CAST: variants seen among roughly 807,000 people sequenced by gnomAD.
CAST encodes MIR583 host.
In CAST, 76 loss-of-function variants were observed where a neutral mutation model predicts 119.6. The ratio of observed to expected loss-of-function variants is 0.64; its 90% CI spans 0.53 to 0.77. CAST has a LOEUF of 0.77. Among genes scored for constraint, CAST ranks in the 30% least tolerant of loss-of-function variants. The pLI, the probability that CAST is intolerant of heterozygous loss-of-function variation, is 0.00. For synonymous variants in CAST, 319 were observed against 331.6 expected, an observed-to-expected ratio of 0.96 and a Z score of 0.41; for missense variants, 953 against 946.5, an observed-to-expected ratio of 1.01 and a Z score of -0.09.
chr5:96,123,936 C>T, the CAST span, among the ~76,000 whole-genome samples: 17 of 152,014 alleles, frequency 1.1e-4, no homozygotes, highest in Admixed American at 5.3e-4. Flanking sequence ...CTCTTTTTAG[C>T]GTCACAAGGC....
chr5:96,211,174 G>A, the CAST span, among the ~76,000 whole-genome samples: 1 of 151,764 alleles, frequency 6.6e-6, no homozygotes, highest in African/African-American at 2.4e-5. Context: ...TTGATATATT[G>A]TATTGAATAG....
the CAST span, among the ~76,000 whole-genome samples, chr5:96,090,641 GT>G: frequency 6.8e-6 from 1 of 147,356 alleles, no homozygotes; most frequent in African/African-American, 2.5e-5. Flanking sequence ...TTTATGTTTT[GT>G]TTTTAAAACA....
At chr5:96,297,588 C>T in the CAST span, among the ~76,000 whole-genome samples, 1 of 152,260 alleles carries the variant, frequency 6.6e-6, no homozygotes, top group Admixed American at 6.5e-5. Flanking sequence ...ATGCTCTCCT[C>T]ATGTCTTGCT....
At chr5:96,420,787 AAGAGAG>A in the CAST span, among the ~76,000 whole-genome samples, 9 of 143,450 alleles carry the variant, frequency 6.3e-5, no homozygotes, top group Non-Finnish European at 9.2e-5. Context: ...GAGAGAGAGA[AAGAGAG>A]AGAGAGAGAG....
chr5:96,212,563 T>C, the CAST span, among the ~76,000 whole-genome samples: 2 of 152,284 alleles, frequency 1.3e-5, no homozygotes, highest in South Asian at 4.1e-4. Context: ...GCTGTTTGTC[T>C]GGTGGAGTGT....
At chr5:96,416,840 A>G in the CAST span, among the ~76,000 whole-genome samples, 1 of 152,234 alleles carries the variant, frequency 6.6e-6, no homozygotes, top group Non-Finnish European at 1.5e-5. Flanking sequence ...AGTATTTGGA[A>G]GAAAAATGCG....
At chr5:96,675,459 G>T in intron 1 of CAST, 80 bp from the exon 2 acceptor site, 3 of 939,664 alleles carry the variant, frequency 3.2e-6, no homozygotes, top group Non-Finnish European at 5.2e-6. Flanking sequence ...AAAAGGGTAT[G>T]CATTTAGCCT....
At chr5:96,691,838 G>C (rs2150294778) in intron 2 of CAST, among the ~76,000 whole-genome samples, 1 of 152,284 alleles carries the variant, frequency 6.6e-6, no homozygotes, top group African/African-American at 2.4e-5. Flanking sequence ...TTTCTTCACA[G>C]AGTCATGAAG....
the CAST span, among the ~76,000 whole-genome samples, chr5:96,192,922 T>A: frequency 6.9e-6 from 1 of 144,382 alleles, no homozygotes; most frequent in Non-Finnish European, 1.5e-5. Flanking sequence ...GAGAAATACA[T>A]GTTTGTCGTA....
At chr5:96,327,012 T>C in the CAST span, among the ~76,000 whole-genome samples, 5 of 152,242 alleles carry the variant, frequency 3.3e-5, no homozygotes, top group South Asian at 1.0e-3. Flanking sequence ...ATGGAAATGG[T>C]AAAGTTTGCC....
rs201063342 is a variant in CAST, at chr5:96,765,197, A to C, written c.1933-24A>C. The C allele has an allele frequency of 3.1e-5, 42 of 1,347,116 alleles. No homozygotes were observed. The East Asian group carries it at 9.4e-4, about 30-fold the overall frequency. The allele number at this position is 1,347,116 out of a possible 1,614,324, so 83.4% of individuals were successfully genotyped here. ...GATACAGTTTGGCTAATGAGTGACT[A>C]ATTCAGCATTATTTACTTTTCAGCA... On this transcript the variant is annotated intron_variant, in intron 25 of 31. Coordinates refer to ENST00000675179, the MANE Select transcript of CAST (RefSeq NM_001750.7).
At chr5:96,370,790 G>A in the CAST span, among the ~76,000 whole-genome samples, 1 of 152,206 alleles carries the variant, frequency 6.6e-6, no homozygotes, top group African/African-American at 2.4e-5. Flanking sequence ...AAATCCACAA[G>A]CAAAACAATA....
chr5:96,123,870 A>G, the CAST span, among the ~76,000 whole-genome samples: 3 of 152,162 alleles, frequency 2.0e-5, no homozygotes, highest in Non-Finnish European at 1.5e-5. Flanking sequence ...ATCGTTCCTT[A>G]AAATTGCTTA....
the CAST span, among the ~76,000 whole-genome samples, chr5:96,459,266 A>G: frequency 6.6e-6 from 1 of 152,138 alleles, no homozygotes; most frequent in South Asian, 2.1e-4. Flanking sequence ...TACGAACATG[A>G]CAGAAGGCCT....
At chr5:96,152,100 A>T in the CAST span, among the ~76,000 whole-genome samples, 3 of 152,164 alleles carry the variant, frequency 2.0e-5, no homozygotes, top group Admixed American at 2.0e-4. Context: ...GGCTCTGTTT[A>T]TGTGTAAGAG....
At chr5:96,658,216 GT>G (rs2150206158), upstream of CAST, among the ~76,000 whole-genome samples, 1 of 152,174 alleles carries the variant, frequency 6.6e-6, no homozygotes, top group African/African-American at 2.4e-5. Context: ...GGTTTAGTAA[GT>G]TCATTACCAT....
chr5:96,010,205 T>C, the CAST span, among the ~76,000 whole-genome samples: 1 of 152,202 alleles, frequency 6.6e-6, no homozygotes, highest in Non-Finnish European at 1.5e-5. Flanking sequence ...AGTCTTATAG[T>C]ATAGCTTGAG....
At chr5:96,424,043 T>C in the CAST span, among the ~76,000 whole-genome samples, 3 of 152,158 alleles carry the variant, frequency 2.0e-5, no homozygotes, top group Non-Finnish European at 4.4e-5. Flanking sequence ...GGGTTTTCCT[T>C]TTAAAATACA....
intron 18 of CAST, 123 bp from the exon 19 acceptor site, chr5:96,748,395 A>T: frequency 2.2e-6 from 1 of 451,492 alleles, no homozygotes. Flanking sequence ...TTTATAAATT[A>T]GCTTTGGGTG....
Sources: allele counts gnomAD v4.1 joint callset (sites outside exome capture counted in the v4.1 genomes callset), GRCh38; gene constraint gnomAD v4.1.1; transcripts MANE v1.5; gene names NCBI Gene and HGNC (gene_info 2026-07-23, HGNC 2026-07-21).